The following TLN2 variants were observed in gnomAD, a reference collection of about 807,000 sequenced individuals.
TLN2 encodes the protein talin 2, also known as talin-2.
In TLN2, 118 loss-of-function variants were observed where a neutral mutation model predicts 294.7. That is an observed-to-expected ratio of 0.40 (90% CI 0.34 to 0.47). The LOEUF is 0.47. Among genes scored for constraint, TLN2 ranks in the 20% least tolerant of loss-of-function variants. TLN2 has a pLI of 0.84. For synonymous variants in TLN2, 1,431 were observed against 1,304.5 expected (o/e 1.10, Z -2.09); for missense variants, 3,083 against 3,282.2 (o/e 0.94, Z 1.48).
intron 1 of TLN2, among the ~76,000 whole-genome samples, chr15:62,565,576 G>A (rs1022751162): frequency 5.3e-5 from 8 of 152,172 alleles, no homozygotes; most frequent in African/African-American, 1.4e-4. Context: ...ACGTAGCCCA[G>A]TGTTCATCTG....
At chr15:62,691,690 G>GT (rs1278843222) in intron 12 of TLN2, among the ~76,000 whole-genome samples, 7 of 151,704 alleles carry the variant, frequency 4.6e-5, no homozygotes, top group Non-Finnish European at 8.8e-5. Flanking sequence ...TAGGAGACCT[G>GT]TTTTTTTTGG....
At chr15:62,725,362 C>T (rs757684317) in intron 27 of TLN2, among the ~76,000 whole-genome samples, 13 of 152,174 alleles carry the variant, frequency 8.5e-5, no homozygotes, top group South Asian at 2.1e-4. Context: ...ATTTTATTTA[C>T]GAAGTGGGTA....
At chr15:62,412,582 T>G (rs1261242677) in intron 1 of TLN2, among the ~76,000 whole-genome samples, 1 of 152,200 alleles carries the variant, frequency 6.6e-6, no homozygotes, top group Non-Finnish European at 1.5e-5. Flanking sequence ...CTTCTTCCTG[T>G]CCCTGGGTAA....
chr15:62,455,575 C>T (rs1177331402), intron 1 of TLN2, among the ~76,000 whole-genome samples: 1 of 152,136 alleles, frequency 6.6e-6, no homozygotes, highest in Non-Finnish European at 1.5e-5. Context: ...ACACCTCGTT[C>T]CTACTCATCG....
chr15:62,593,964 A>G (rs1372037533), intron 2 of TLN2, among the ~76,000 whole-genome samples: 5 of 152,348 alleles, frequency 3.3e-5, no homozygotes, highest in African/African-American at 9.6e-5. Flanking sequence ...AAAATATTGC[A>G]TGCAAATGGA....
intron 1 of TLN2, among the ~76,000 whole-genome samples, chr15:62,439,911 C>A (rs1036618732): frequency 6.6e-6 from 1 of 152,096 alleles, no homozygotes; most frequent in African/African-American, 2.4e-5. Flanking sequence ...TCTGGGTTAA[C>A]CAGGGTCAGG....
intron 55 of TLN2, 27 bp from the exon 56 acceptor site, chr15:62,835,710 G>A (rs2069459090): frequency 6.2e-7 from 1 of 1,613,860 alleles, no homozygotes; most frequent in South Asian, 1.1e-5. Flanking sequence ...CTGCCCTCAT[G>A]GCCAATTTCT....
At chr15:62,776,733 TTAAG>T in intron 42 of TLN2, 27 bp from the exon 43 acceptor site, 1 of 1,470,836 alleles carries the variant, frequency 6.8e-7, no homozygotes, top group Middle Eastern at 1.8e-4. Flanking sequence ...TCTCTTCTGC[TTAAG>T]GAAATGTTTC....
At chr15:62,839,987 C>T (rs1415038916) in intron 58 of TLN2, among the ~76,000 whole-genome samples, 1 of 152,144 alleles carries the variant, frequency 6.6e-6, no homozygotes, top group Non-Finnish European at 1.5e-5. Context: ...CCTCAGATCA[C>T]ACCTTGAAAG....
chr15:62,419,650 T>TG (rs1453305824), intron 1 of TLN2, among the ~76,000 whole-genome samples: 3 of 53,178 alleles, frequency 5.6e-5, no homozygotes, highest in Admixed American at 2.1e-4. Flanking sequence ...TTTTTTTGGG[T>TG]GGGGGGAGGG....
At chr15:62,828,322 G>A (rs1398716664) in intron 54 of TLN2, 1 of 152,316 alleles carries the variant, frequency 6.6e-6, no homozygotes, top group Non-Finnish European at 1.5e-5. Flanking sequence ...CGATTGCTTA[G>A]AGCTGATGGG....
intron 1 of TLN2, among the ~76,000 whole-genome samples, chr15:62,426,350 G>A (rs1478882919): frequency 6.6e-6 from 1 of 152,202 alleles, no homozygotes; most frequent in Non-Finnish European, 1.5e-5. Context: ...CACCTTGGGA[G>A]GCAGAGAGGA....
At chr15:62,761,072 A>G (rs1258994268) in intron 37 of TLN2, among the ~76,000 whole-genome samples, 1 of 152,168 alleles carries the variant, frequency 6.6e-6, no homozygotes, top group Non-Finnish European at 1.5e-5. Flanking sequence ...GTTTTGTTAA[A>G]TATGATGTTT....
chr15:62,658,834 TG>T (rs2053517633), intron 9 of TLN2, among the ~76,000 whole-genome samples: 1 of 152,178 alleles, frequency 6.6e-6, no homozygotes, highest in Non-Finnish European at 1.5e-5. Context: ...GCCTCACGGC[TG>T]GCCCCTCAGA....
At chr15:62,675,464 T>C (rs1453642428) in intron 11 of TLN2, 143 bp downstream of exon 11, 23 of 762,366 alleles carry the variant, frequency 3.0e-5, no homozygotes, top group Non-Finnish European at 4.7e-5. Context: ...GACCTGCGTT[T>C]AGCTGCCGCA....
At chr15:62,705,063 G>A (rs1227925716) in intron 19 of TLN2, among the ~76,000 whole-genome samples, 1 of 152,154 alleles carries the variant, frequency 6.6e-6, no homozygotes, top group Admixed American at 6.5e-5. Flanking sequence ...AGCTTTTCCT[G>A]CCTCTCCCTG....
chr15:62,508,294 G>A (rs1049694501), intron 1 of TLN2, among the ~76,000 whole-genome samples: 1 of 152,128 alleles, frequency 6.6e-6, no homozygotes, highest in Non-Finnish European at 1.5e-5. Flanking sequence ...TTGACTCACT[G>A]CAACCTTCGC....
rs377405417 is a variant in TLN2, at chr15:62,504,818, G to GGTGTGTGTGTGTGT, written c.-237-84853_-237-84840dup. Reference sequence around the variant, plus strand: ...AAGGGTAACAGAAAGTAGTTGGTGGGGTGTGTGTGTGTGTGTGTGTGTGTG... The same window carrying GGTGTGTGTGTGTGT: ...AAGGGTAACAGAAAGTAGTTGGTGGGGTGTGTGTGTGTGTGTGTGTGTGTGTGTGTGTGTGTGTG... On this transcript the variant is annotated intron_variant, in intron 1 of 58. Coordinates refer to ENST00000636159, the MANE Select transcript of TLN2 (RefSeq NM_015059.3). 1.2e-3 allele frequency among the ~76,000 whole-genome samples: 168 copies of GGTGTGTGTGTGTGT among 143,602 alleles called. 2 individuals carry two copies. The East Asian group carries it at 0.013, about 11-fold the overall frequency. 94.2% of individuals were successfully genotyped at this position (143,602 alleles called of 152,430 possible). A position where few individuals can be genotyped will look rare whatever the true frequency, so the allele number is the denominator to read the frequency against.
chr15:62,790,840 T>TC (rs1383504856), intron 45 of TLN2, among the ~76,000 whole-genome samples: 1 of 152,238 alleles, frequency 6.6e-6, no homozygotes, highest in East Asian at 1.9e-4. Flanking sequence ...GGAGTGTTTT[T>TC]CCCGCCTCAG....
Sources: allele counts gnomAD v4.1 joint callset (sites outside exome capture counted in the v4.1 genomes callset), GRCh38; gene constraint gnomAD v4.1.1; transcripts MANE v1.5; gene names NCBI Gene and HGNC (gene_info 2026-07-23, HGNC 2026-07-21).